EPB41: variants seen among roughly 807,000 people sequenced by gnomAD.
EPB41 encodes the protein protein 4.1.
EPB41 carries 65 observed loss-of-function variants against 108.0 expected under a neutral mutation model. The observed-to-expected ratio is 0.60, with a 90% CI of 0.49 to 0.74. EPB41 has a LOEUF of 0.74. Ranked by LOEUF, EPB41 falls within the 30% of genes least tolerant of loss-of-function variation. EPB41 has a pLI of 0.00. For synonymous variants in EPB41, 336 were observed against 358.9 expected (o/e 0.94, Z 0.72); for missense variants, 875 against 1,037.0 (o/e 0.84, Z 2.15).
At position 28,906,846 on chromosome 1, in the gene EPB41, GCTCACTGCAAGCTCTGC is replaced by G. The variant is rs373357308; in HGVS notation, c.-8+19642_-8+19658del. On this transcript the variant is annotated intron_variant, in intron 1 of 16. Transcript: ENST00000347529. ...GCTGGAGTGCAGTAGTGCGATCTCA[GCTCACTGCAAGCTCTGC>G]CTCACGGGTTCACGCCATTCTCCTG... Among the ~76,000 whole-genome samples, 632 of 150,662 alleles carry G rather than the reference GCTCACTGCAAGCTCTGC, an allele frequency of 4.2e-3. 4 individuals carry two copies. The highest frequency in any genetic ancestry group is 0.015 in the African/African-American group (608 of 40,950).
At position 28,939,837 on chromosome 1, in the gene EPB41, C is replaced by T. The variant is rs976895673; in HGVS notation, c.-8+25069C>T. 5.3e-5 allele frequency among the ~76,000 whole-genome samples: 8 copies of T among 152,302 alleles called. No individual in the cohort carries two copies. The South Asian group carries it at 1.2e-3, about 24-fold the overall frequency. The stretch of plus-strand genomic sequence containing the variant: ...CTATTGCTACACAATCACCTCAAAA[C>T]TTAATGATCTAAAATAATAGCTATT... On this transcript the variant is annotated intron_variant, in intron 1 of 20. Transcript: ENST00000343067.
In EPB41 at chr1:29,118,595, T is replaced by A. The variant is rs1444739402; in HGVS notation, c.*1783T>A. ...TCTAAAGCTGCTTCTCCCAACACCGTCCAAAGTCTCCACTGCCTGAGTTTT... is the reference window on the plus strand; with the variant it reads ...TCTAAAGCTGCTTCTCCCAACACCGACCAAAGTCTCCACTGCCTGAGTTTT... On this transcript the variant is annotated 3_prime_UTR_variant, in exon 21 of 21. Coordinates refer to ENST00000343067, the MANE Select transcript of EPB41 (RefSeq NM_001376013.1). 1 of 152,234 alleles carries A rather than the reference T, an allele frequency of 6.6e-6. No homozygotes were observed. The highest frequency in any genetic ancestry group is 2.4e-5 in the African/African-American group (1 of 41,432). 9.4% of individuals were successfully genotyped at this position (152,234 alleles called of 1,614,324 possible). A position where few individuals can be genotyped will look rare whatever the true frequency, so the allele number is the denominator to read the frequency against.
At chr1:29,061,883 A>G (rs925950630) in intron 15 of EPB41, among the ~76,000 whole-genome samples, 8 of 152,008 alleles carry the variant, frequency 5.3e-5, no homozygotes, top group Non-Finnish European at 1.2e-4. Flanking sequence ...CCCAACCTAA[A>G]CTTTAAAAAC....
chr1:29,092,621 G>T (rs945141639), intron 16 of EPB41, among the ~76,000 whole-genome samples: 1 of 152,078 alleles, frequency 6.6e-6, no homozygotes, highest in Non-Finnish European at 1.5e-5. Context: ...TGTCATGGGG[G>T]TTTGTTTTAC....
In EPB41 at chr1:29,119,364, T is replaced by TA. The variant is rs1671500139; in HGVS notation, c.*2553dup. The TA allele has an allele frequency of 6.6e-6, 1 of 152,598 alleles. No homozygotes were observed. 9.5% of individuals were successfully genotyped at this position (152,598 alleles called of 1,614,324 possible). ...AAATGGTGAGGAGGGGGAAGAGAAT[T>TA]ACATTTCCAGGGTCAGAAACTTGGC... On this transcript the variant is annotated 3_prime_UTR_variant, in exon 21 of 21. Coordinates refer to ENST00000343067, the MANE Select transcript of EPB41 (RefSeq NM_001376013.1).
intron 11 of EPB41, among the ~76,000 whole-genome samples, chr1:29,042,102 A>G (rs1160115340): frequency 6.6e-6 from 1 of 152,252 alleles, no homozygotes; most frequent in Non-Finnish European, 1.5e-5. Context: ...CAGCAGCCAT[A>G]GTCACCATTT....
In EPB41 at chr1:28,921,383, A is replaced by G. The variant is rs78656471; in HGVS notation, c.-8+6615A>G. Among the ~76,000 whole-genome samples, 466 of 152,254 alleles carry G rather than the reference A, an allele frequency of 3.1e-3. 1 individual carries two copies. The highest frequency in any genetic ancestry group is 9.1e-3 in the African/African-American group (377 of 41,540). ...GTGAAGAGTGTTTCACCTTAATAAT[A>G]CATTTCATACAGATTGTTGAAATTC... On this transcript the variant is annotated intron_variant, in intron 1 of 20. Transcript: ENST00000343067.
chr1:29,039,353 T>C lies in EPB41; in HGVS notation c.1563T>C (p.Ser521=). 2 of 1,614,192 alleles carry C rather than the reference T, an allele frequency of 1.2e-6. No individual in the cohort carries two copies. Among genetic ancestry groups the C allele is most frequent in the African/African-American group, 1.3e-5 (1 of 75,038 alleles). Residue 521 remains serine (S), a synonymous_variant, in exon 11 of 21, where the codon AGT becomes AGC. Transcript: ENST00000343067. ...CTCAAGCTCAGACCAGGCAAGCTAG[T>C]GCTCTAATTGACAGGCCTGCCCCAC... ...GRTQAQTRQA[S]ALIDRPAPHF...
At chr1:28,948,145 TCAAA>T (rs1231584456) in intron 1 of EPB41, among the ~76,000 whole-genome samples, 2 of 152,124 alleles carry the variant, frequency 1.3e-5, no homozygotes, top group Non-Finnish European at 2.9e-5. Flanking sequence ...TGAAACATAC[TCAAA>T]CAACAGTTCT....
rs573494559 is a variant in EPB41 at position 28,993,366 on chromosome 1, G to C, written c.505G>C (p.Glu169Gln). The change falls in exon 3 of 21, where the codon GAA (glutamate) becomes CAA (glutamine). Residue 169 changes from glutamate to glutamine, a missense_variant. Around this residue, in one of 3 missense-constraint regions of EPB41, gnomAD observed 353 missense variants for 393.2 expected, o/e 0.90. Coordinates refer to ENST00000343067, the MANE Select transcript of EPB41 (RefSeq NM_001376013.1). ...QEELREDPDF[E>Q]IKEGEGLEEC... ...AGAACTCAGAGAAGATCCAGATTTT[G>C]AAATTAAGGAAGGAGAAGGACTTGA... The C allele has an allele frequency of 1.5e-5, 25 of 1,613,236 alleles. No homozygotes were observed. The highest frequency in any genetic ancestry group is 2.2e-5 in the East Asian group (1 of 44,874).
intron 4 of EPB41, among the ~76,000 whole-genome samples, chr1:29,002,475 T>C (rs2096315113): frequency 6.6e-6 from 1 of 151,968 alleles, no homozygotes; most frequent in Non-Finnish European, 1.5e-5. Context: ...GATAGTATTA[T>C]TGTTTTAAAA....
At chr1:29,037,983 C>T (rs968253012) in intron 10 of EPB41, among the ~76,000 whole-genome samples, 3 of 152,132 alleles carry the variant, frequency 2.0e-5, no homozygotes, top group East Asian at 1.9e-4. Flanking sequence ...CCACTCCTTC[C>T]CCCTACTTCC....
intron 1 of EPB41, among the ~76,000 whole-genome samples, chr1:28,981,957 C>G (rs1193373169): frequency 6.6e-6 from 1 of 151,274 alleles, no homozygotes; most frequent in Non-Finnish European, 1.5e-5. Flanking sequence ...AGGTTTGTTA[C>G]ATATGTATAC....
At chr1:28,978,056 A>G (rs1257180205) in intron 1 of EPB41, among the ~76,000 whole-genome samples, 1 of 150,382 alleles carries the variant, frequency 6.6e-6, no homozygotes, top group African/African-American at 2.5e-5. Context: ...TGGATACTGC[A>G]TTGTTTGAAT....
At chr1:28,968,812 A>C (rs1227148780) in intron 1 of EPB41, among the ~76,000 whole-genome samples, 1 of 151,894 alleles carries the variant, frequency 6.6e-6, no homozygotes, top group African/African-American at 2.4e-5. Flanking sequence ...TAAAAATACA[A>C]AATTTAGCTG....
chr1:29,017,051 G>A (rs894208247), intron 6 of EPB41, among the ~76,000 whole-genome samples: 1 of 152,072 alleles, frequency 6.6e-6, no homozygotes, highest in Non-Finnish European at 1.5e-5. Context: ...TTGAGATGCC[G>A]GATTTCTGCC....
At chr1:28,962,233 G>C (rs896432973) in intron 1 of EPB41, among the ~76,000 whole-genome samples, 25 of 151,980 alleles carry the variant, frequency 1.6e-4, no homozygotes, top group African/African-American at 6.0e-4. Context: ...GCTAATTTTT[G>C]TACTTTTAGT....
At chr1:28,898,982 T>C (rs1288381149) in intron 1 of EPB41, among the ~76,000 whole-genome samples, 1 of 151,710 alleles carries the variant, frequency 6.6e-6, no homozygotes, top group African/African-American at 2.4e-5. Context: ...GTGGTCGGGG[T>C]AGAGCTGGAT....
intron 1 of EPB41, among the ~76,000 whole-genome samples, chr1:28,932,588 T>G (rs2093805948): frequency 6.6e-6 from 1 of 152,066 alleles, no homozygotes; most frequent in Non-Finnish European, 1.5e-5. Flanking sequence ...CCAAACTAGT[T>G]ATATATTTTC....
Sources: gnomAD v4.1 joint callset for allele counts (sites outside exome capture counted in the v4.1 genomes callset) on GRCh38, gnomAD v4.1.1 for gene constraint, gnomAD v4.1.1 regional missense constraint, MANE v1.5 for transcripts, NCBI Gene and HGNC (gene_info 2026-07-23, HGNC 2026-07-21) for gene names.